FBN2: variants seen among roughly 807,000 people sequenced by gnomAD.
The protein encoded by FBN2 is fibrillin-2.
In FBN2, 105 loss-of-function variants were observed where a neutral mutation model predicts 355.6. The observed-to-expected ratio is 0.30, with a 90% confidence interval of 0.25 to 0.35. The LOEUF (loss-of-function observed/expected upper bound fraction) is 0.35, where lower values mean the gene tolerates loss of function less well. Ranked by LOEUF, FBN2 falls within the 10% of genes least tolerant of loss-of-function variation. The pLI is 1.00. For synonymous variants in FBN2, 1,350 were observed against 1,301.2 expected (o/e 1.04, Z -0.81); for missense variants, 3,280 against 3,758.7 (o/e 0.87, Z 3.33).
chr5:128,271,135 A>G (rs28663336), intron 62 of FBN2, among the ~76,000 whole-genome samples: 12,025 of 152,262 alleles, frequency 0.079, 1,541 homozygotes, highest in African/African-American at 0.27. Flanking sequence ...AAAGGATAAA[A>G]TCAGACTAAT....
intron 50 of FBN2, 71 bp downstream of exon 50, chr5:128,290,661 G>C (rs1749295749): frequency 6.8e-7 from 1 of 1,460,464 alleles, no homozygotes; most frequent in Non-Finnish European, 9.6e-7. Flanking sequence ...AAATTACATG[G>C]TTAAACCCAC....
intron 53 of FBN2, among the ~76,000 whole-genome samples, chr5:128,287,637 A>C (rs1749192408): frequency 6.6e-6 from 1 of 152,174 alleles, no homozygotes; most frequent in Non-Finnish European, 1.5e-5. Flanking sequence ...AAGTACCTGA[A>C]GTTTTTAGTG....
intron 24 of FBN2, 93 bp from the exon 25 acceptor site, chr5:128,344,603 GTAA>G: frequency 8.6e-7 from 1 of 1,169,000 alleles, no homozygotes; most frequent in Non-Finnish European, 1.3e-6. Context: ...ATGGACAACA[GTAA>G]TGCATCCAAG....
At chr5:128,374,443 G>C (rs1011267068) in intron 15 of FBN2, among the ~76,000 whole-genome samples, 185 bp downstream of exon 15, 4 of 152,094 alleles carry the variant, frequency 2.6e-5, no homozygotes, top group Non-Finnish European at 5.9e-5. Flanking sequence ...CATATGGATG[G>C]AATCATACAC....
intron 52 of FBN2, 135 bp from the exon 53 acceptor site, chr5:128,288,692 C>T (rs1385272883): frequency 1.4e-5 from 14 of 994,778 alleles, no homozygotes; most frequent in Non-Finnish European, 1.9e-5. Flanking sequence ...TCCCTTGGGC[C>T]TTGGCTGGCT....
intron 19 of FBN2, 97 bp from the exon 20 acceptor site, chr5:128,357,492 T>G (rs2126931658): frequency 6.8e-7 from 1 of 1,465,596 alleles, no homozygotes; most frequent in East Asian, 2.3e-5. Flanking sequence ...TCTGGTAAAC[T>G]TGGCTCTGGT....
intron 15 of FBN2, among the ~76,000 whole-genome samples, chr5:128,370,246 C>T (rs1417473868): frequency 1.3e-5 from 2 of 152,082 alleles, no homozygotes; most frequent in African/African-American, 4.8e-5. Context: ...GCAGAGAACC[C>T]ATGCAATTTT....
At chr5:128,423,552 C>A (rs550441967) in intron 7 of FBN2, among the ~76,000 whole-genome samples, 9 of 152,258 alleles carry the variant, frequency 5.9e-5, no homozygotes, top group African/African-American at 2.2e-4. Flanking sequence ...GGGATTATTG[C>A]AACTCAGGGT....
At chr5:128,309,424 T>G (rs1354264091) in intron 40 of FBN2, 25 bp from the exon 41 acceptor site, 3 of 1,606,382 alleles carry the variant, frequency 1.9e-6, no homozygotes, top group Non-Finnish European at 2.6e-6. Context: ...ACAAAGAAAC[T>G]AGCCATTTGT....
At chr5:128,335,351 A>T (rs1405516432) in intron 29 of FBN2, 56 bp from the exon 30 acceptor site, 2 of 1,613,152 alleles carry the variant, frequency 1.2e-6, no homozygotes, top group Non-Finnish European at 1.7e-6. Flanking sequence ...ATCAATCTCA[A>T]ATGTTTTTGT....
chr5:128,482,876 A>G (rs1443131841), intron 5 of FBN2, among the ~76,000 whole-genome samples: 1 of 152,192 alleles, frequency 6.6e-6, no homozygotes, highest in Non-Finnish European at 1.5e-5. Context: ...GACCAGCCAC[A>G]AGGTTTTTAA....
intron 20 of FBN2, among the ~76,000 whole-genome samples, chr5:128,357,038 G>A (rs1751518589): frequency 6.6e-6 from 1 of 152,112 alleles, no homozygotes. Flanking sequence ...ATAAGTTATA[G>A]CATAATATAT....
At chr5:128,486,363 T>C (rs1377686639) in intron 5 of FBN2, among the ~76,000 whole-genome samples, 2 of 152,132 alleles carry the variant, frequency 1.3e-5, no homozygotes, top group African/African-American at 4.8e-5. Flanking sequence ...ATAACCCCAT[T>C]GACAACTAAT....
At chr5:128,525,295 C>T (rs1294095519) in intron 4 of FBN2, among the ~76,000 whole-genome samples, 1 of 152,076 alleles carries the variant, frequency 6.6e-6, no homozygotes, top group Non-Finnish European at 1.5e-5. Context: ...TGAAACTTTG[C>T]AAAACAGAGT....
intron 44 of FBN2, 58 bp downstream of exon 44, chr5:128,305,453 T>C: frequency 1.3e-6 from 2 of 1,598,430 alleles, no homozygotes; most frequent in Non-Finnish European, 1.7e-6. Context: ...TATTTTTTGA[T>C]AGGAAATCTA....
At position 128,350,887 on chromosome 5, in the gene FBN2, G is replaced by A; in HGVS notation, c.2793C>T (p.Pro931=). Reference sequence around the variant, plus strand: ...TCCTACCTAGTTCACACCGCTCACAGGGGCTCCCCCAGGCGGCTCCGAGGG... The same window carrying A: ...TCCTACCTAGTTCACACCGCTCACAAGGGCTCCCCCAGGCGGCTCCGAGGG... The part of the protein sequence containing the change: ...CATLGAAWGS[P]CERCELDTAC... The change falls in exon 21 of 65, where the codon CCC becomes CCT. Residue 931 remains proline (P), a synonymous_variant. Coordinates refer to ENST00000262464, the MANE Select transcript of FBN2 (RefSeq NM_001999.4). The A allele has an allele frequency of 6.2e-7, 1 of 1,614,144 alleles. No individual in the cohort carries two copies. Among genetic ancestry groups the A allele is most frequent in the Non-Finnish European group, 8.5e-7 (1 of 1,180,020 alleles).
At chr5:128,468,742 A>C (rs1754779758) in intron 5 of FBN2, among the ~76,000 whole-genome samples, 2 of 152,338 alleles carry the variant, frequency 1.3e-5, no homozygotes, top group South Asian at 4.1e-4. Context: ...TAGAGATGAT[A>C]AATCATGCTA....
intron 6 of FBN2, among the ~76,000 whole-genome samples, chr5:128,453,636 T>A (rs1754313853): frequency 6.6e-6 from 1 of 152,234 alleles, no homozygotes; most frequent in Non-Finnish European, 1.5e-5. Context: ...TTTCTTTTTT[T>A]GTTGTTGGTT....
intron 13 of FBN2, among the ~76,000 whole-genome samples, chr5:128,377,549 C>G (rs199837073): frequency 8.8e-6 from 1 of 113,896 alleles, no homozygotes; most frequent in South Asian, 3.4e-4. Flanking sequence ...CCCTCCACCA[C>G]CAAAAAAAAA....
Sources: gnomAD v4.1 joint callset for allele counts (sites outside exome capture counted in the v4.1 genomes callset) on GRCh38, gnomAD v4.1.1 for gene constraint, MANE v1.5 for transcripts, NCBI Gene and HGNC (gene_info 2026-07-23, HGNC 2026-07-21) for gene names.